Variants in KCNH7 observed in about 807,000 individuals in gnomAD.
KCNH7 encodes the protein voltage-gated inwardly rectifying potassium channel KCNH7.
KCNH7 carries 49 observed loss-of-function variants against 120.8 expected under a neutral mutation model. The ratio of observed to expected loss-of-function variants is 0.41; its 90% CI spans 0.32 to 0.51. KCNH7 has a LOEUF of 0.51. Among genes scored for constraint, KCNH7 ranks in the 20% least tolerant of loss-of-function variants. The pLI is 0.38. For synonymous variants in KCNH7, 547 were observed against 516.1 expected (o/e 1.06, Z -0.81); for missense variants, 1,097 against 1,446.6 (o/e 0.76, Z 3.92).
chr2:162,438,832 A>T (rs1573959262), intron 7 of KCNH7, among the ~76,000 whole-genome samples: 2 of 152,164 alleles, frequency 1.3e-5, no homozygotes, highest in East Asian at 3.8e-4. Flanking sequence ...TTATTATTTT[A>T]ATATTTCTTT....
chr2:162,825,182 G>A (rs1559151325), intron 2 of KCNH7, among the ~76,000 whole-genome samples: 1 of 151,992 alleles, frequency 6.6e-6, no homozygotes, highest in African/African-American at 2.4e-5. Context: ...GTGAAGATCA[G>A]TTTTTAAAAT....
At chr2:162,376,671 T>C (rs980779938) in intron 14 of KCNH7, among the ~76,000 whole-genome samples, 3 of 152,176 alleles carry the variant, frequency 2.0e-5, no homozygotes, top group African/African-American at 7.2e-5. Context: ...CAAGGTGTGG[T>C]CTTTATATCA....
chr2:162,378,921 C>T (rs1014200489), intron 14 of KCNH7, among the ~76,000 whole-genome samples: 7 of 152,184 alleles, frequency 4.6e-5, no homozygotes, highest in Non-Finnish European at 5.9e-5. Flanking sequence ...CTGCAAACCT[C>T]CACTCTGGTC....
chr2:162,783,086 A>G (rs1277290139), intron 2 of KCNH7, among the ~76,000 whole-genome samples: 9 of 152,146 alleles, frequency 5.9e-5, no homozygotes, highest in Non-Finnish European at 1.2e-4. Flanking sequence ...GCCCACCACA[A>G]AGTCCTTCAC....
At chr2:162,466,304 T>C (rs1277412960) in intron 6 of KCNH7, among the ~76,000 whole-genome samples, 2 of 152,108 alleles carry the variant, frequency 1.3e-5, no homozygotes, top group East Asian at 1.9e-4. Context: ...GGGTAATTTA[T>C]AAAAAGAAGA....
chr2:162,804,309 G>A (rs183640119), intron 2 of KCNH7, among the ~76,000 whole-genome samples: 91 of 151,770 alleles, frequency 6.0e-4, no homozygotes, highest in Admixed American at 1.6e-3. Context: ...GTTTGCTGAT[G>A]ATATACCTAG....
At chr2:162,466,502 A>ATG (rs1689308757) in intron 6 of KCNH7, among the ~76,000 whole-genome samples, 1 of 152,230 alleles carries the variant, frequency 6.6e-6, no homozygotes, top group Non-Finnish European at 1.5e-5. Flanking sequence ...TGAGAACAGC[A>ATG]TGAGGGTAAC....
intron 2 of KCNH7, among the ~76,000 whole-genome samples, chr2:162,622,833 T>C (rs949450234): frequency 6.6e-6 from 1 of 152,156 alleles, no homozygotes; most frequent in Non-Finnish European, 1.5e-5. Flanking sequence ...AGAGGTACTG[T>C]CATGAAATTT....
intron 2 of KCNH7, among the ~76,000 whole-genome samples, chr2:162,539,368 G>C (rs1692226136): frequency 6.6e-6 from 1 of 152,012 alleles, no homozygotes; most frequent in Non-Finnish European, 1.5e-5. Flanking sequence ...TATTTAAGCA[G>C]TTTCAAATTT....
intron 2 of KCNH7, among the ~76,000 whole-genome samples, chr2:162,766,550 T>C (rs1353251454): frequency 1.3e-5 from 2 of 152,104 alleles, no homozygotes; most frequent in Non-Finnish European, 2.9e-5. Context: ...CAAAAAAAGC[T>C]TGATTAGTGG....
At chr2:162,498,071 A>C (rs1022564268) in intron 6 of KCNH7, among the ~76,000 whole-genome samples, 5 of 152,132 alleles carry the variant, frequency 3.3e-5, no homozygotes, top group Admixed American at 1.3e-4. Flanking sequence ...CAGGAAAATT[A>C]TACTTGTGGA....
intron 2 of KCNH7, among the ~76,000 whole-genome samples, chr2:162,751,418 C>A (rs994630601): frequency 4.6e-5 from 7 of 151,972 alleles, no homozygotes; most frequent in Non-Finnish European, 7.4e-5. Context: ...ACCTTTTTGC[C>A]ATAATTTGTA....
At position 162,776,126 on chromosome 2, in the gene KCNH7, C is replaced by G. The variant is rs551868040; in HGVS notation, c.307+60411G>C. Among the ~76,000 whole-genome samples, 4 of 152,310 alleles carry G rather than the reference C, an allele frequency of 2.6e-5. No homozygotes were observed. The South Asian group carries it at 6.2e-4, about 24-fold the overall frequency. On this transcript the variant is annotated intron_variant, in intron 2 of 15. Transcript: ENST00000332142. ...AAATAAGCTACGAATATACCGTTCT[C>G]TCATTTATTTAGCAGGTATTTATCA...
chr2:162,390,460 CT>C (rs1397319023), intron 12 of KCNH7, among the ~76,000 whole-genome samples: 1 of 151,878 alleles, frequency 6.6e-6, no homozygotes, highest in African/African-American at 2.4e-5. Flanking sequence ...CACAGTTCAA[CT>C]TTTAAGACCA....
chr2:162,620,409 T>C (rs1030096503), intron 2 of KCNH7, among the ~76,000 whole-genome samples: 1 of 152,022 alleles, frequency 6.6e-6, no homozygotes, highest in Non-Finnish European at 1.5e-5. Flanking sequence ...TCCAACAGTG[T>C]ATTTTCTGTT....
intron 2 of KCNH7, among the ~76,000 whole-genome samples, chr2:162,586,918 A>G (rs1220456207): frequency 1.3e-5 from 2 of 152,016 alleles, no homozygotes; most frequent in African/African-American, 4.8e-5. Context: ...GTCATGACCA[A>G]AATTTAGTCA....
chr2:162,700,661 T>G (rs904927210), intron 2 of KCNH7, among the ~76,000 whole-genome samples: 1 of 152,230 alleles, frequency 6.6e-6, no homozygotes, highest in Non-Finnish European at 1.5e-5. Context: ...TAAAGATCAT[T>G]TCCAACTTCT....
At chr2:162,678,431 G>C (rs1685600369) in intron 2 of KCNH7, among the ~76,000 whole-genome samples, 2 of 151,284 alleles carry the variant, frequency 1.3e-5, no homozygotes, top group South Asian at 4.1e-4. Flanking sequence ...GCTGATCAAA[G>C]ATTTTCATCA....
intron 2 of KCNH7, among the ~76,000 whole-genome samples, chr2:162,696,313 G>A: frequency 6.6e-6 from 1 of 152,086 alleles, no homozygotes; most frequent in East Asian, 1.9e-4. Flanking sequence ...TAATTATGTT[G>A]GAAATAGGAT....
Sources: gnomAD v4.1 joint callset for allele counts (sites outside exome capture counted in the v4.1 genomes callset) on GRCh38, gnomAD v4.1.1 for gene constraint, MANE v1.5 for transcripts, NCBI Gene and HGNC (gene_info 2026-07-23, HGNC 2026-07-21) for gene names.